The following MS4A4E variants were observed in gnomAD, a reference collection of about 807,000 sequenced individuals.
The protein encoded by MS4A4E is membrane spanning 4-domains A4E.
In MS4A4E, 23 loss-of-function variants were observed where a neutral mutation model predicts 13.3. The observed-to-expected ratio is 1.73, with a 90% CI of 1.25 to 2.45. MS4A4E has a LOEUF of 2.45. MS4A4E is among the 30% of genes most tolerant of loss of function. The probability of loss-of-function intolerance (pLI) is 0.00; values close to 1 mark genes in which losing one functional copy is unlikely to be tolerated. For missense variants in MS4A4E, 144 were observed against 131.2 expected (o/e 1.10, Z -0.48); for synonymous variants, 36 against 45.6 (o/e 0.79, Z 0.85).
At chr11:60,229,772 G>A (rs2084384753) in intron 2 of MS4A4E, 140 bp downstream of exon 2, 4 of 733,972 alleles carry the variant, frequency 5.4e-6, no homozygotes, top group Non-Finnish European at 8.5e-6. Context: ...TTCAAAGAAA[G>A]GGCCTGAAAT....
chr11:60,239,567 C>T (rs1032023584), intron 1 of MS4A4E, among the ~76,000 whole-genome samples: 3 of 152,160 alleles, frequency 2.0e-5, no homozygotes, highest in African/African-American at 4.8e-5. Flanking sequence ...GAGGTTGACT[C>T]TTCCTCTCTT....
chr11:60,240,035 T>C (rs974280125), intron 1 of MS4A4E, among the ~76,000 whole-genome samples: 2 of 152,228 alleles, frequency 1.3e-5, no homozygotes, highest in Non-Finnish European at 2.9e-5. Context: ...AATTAGAAGA[T>C]ATTCAGTCTT....
intron 3 of MS4A4E, among the ~76,000 whole-genome samples, chr11:60,223,627 C>T (rs1261227474): frequency 1.3e-5 from 2 of 152,172 alleles, no homozygotes; most frequent in East Asian, 3.8e-4. Context: ...AAGGCAGACC[C>T]ACCCTCAATC....
At chr11:60,224,095 C>T (rs1389118352) in intron 3 of MS4A4E, among the ~76,000 whole-genome samples, 1 of 152,112 alleles carries the variant, frequency 6.6e-6, no homozygotes, top group Non-Finnish European at 1.5e-5. Flanking sequence ...TTCCTTGATT[C>T]TAACATAAAC....
intron 5 of MS4A4E, 90 bp from the exon 6 acceptor site, chr11:60,208,784 G>A: frequency 2.0e-6 from 1 of 509,092 alleles, no homozygotes; most frequent in Non-Finnish European, 3.4e-6. Flanking sequence ...AAGAGAAAAA[G>A]CACTGGCTGG....
chr11:60,224,136 A>G (rs1194034707), intron 3 of MS4A4E, among the ~76,000 whole-genome samples: 2 of 152,094 alleles, frequency 1.3e-5, no homozygotes. Context: ...TTCTTTTGTC[A>G]ATAGGTAAGA....
chr11:60,216,438 T>G (rs566397284), intron 3 of MS4A4E, among the ~76,000 whole-genome samples: 139 of 152,266 alleles, frequency 9.1e-4, no homozygotes, highest in African/African-American at 3.2e-3. Flanking sequence ...TTGAGCAAGT[T>G]ACTTAACCTC....
At chr11:60,226,496 G>C (rs1187663238) in intron 3 of MS4A4E, among the ~76,000 whole-genome samples, 1 of 152,070 alleles carries the variant, frequency 6.6e-6, no homozygotes, top group Non-Finnish European at 1.5e-5. Flanking sequence ...AAAAATCAAT[G>C]AATGTAACTA....
At chr11:60,233,568 C>T (rs1479671786) in intron 1 of MS4A4E, among the ~76,000 whole-genome samples, 12 of 152,256 alleles carry the variant, frequency 7.9e-5, no homozygotes, top group Admixed American at 7.8e-4. Context: ...TCAGCTCGCA[C>T]TGCCACTATG....
At chr11:60,230,135 T>C in intron 1 of MS4A4E, 64 bp from the exon 2 acceptor site, 1 of 1,488,854 alleles carries the variant, frequency 6.7e-7, no homozygotes, top group East Asian at 2.4e-5. Context: ...CTTGACACTT[T>C]GGGGCAGATT....
intron 6 of MS4A4E, among the ~76,000 whole-genome samples, chr11:60,206,497 ATACG>A (rs1217846969): frequency 3.7e-5 from 3 of 81,278 alleles, no homozygotes; most frequent in Non-Finnish European, 5.1e-5. Context: ...ATGTATATAT[ATACG>A]TATATATATA....
At chr11:60,238,542 TTTC>T (rs2084511766) in intron 1 of MS4A4E, among the ~76,000 whole-genome samples, 1 of 152,180 alleles carries the variant, frequency 6.6e-6, no homozygotes, top group Admixed American at 6.5e-5. Context: ...ATTTTAGTGA[TTTC>T]TTCTTGTAAT....
At chr11:60,236,624 G>A (rs577367533) in intron 1 of MS4A4E, among the ~76,000 whole-genome samples, 1 of 151,560 alleles carries the variant, frequency 6.6e-6, no homozygotes, top group Non-Finnish European at 1.5e-5. Context: ...ATTTTTGTAT[G>A]TATATATATT....
At chr11:60,240,045 T>A (rs762463105) in intron 1 of MS4A4E, among the ~76,000 whole-genome samples, 3 of 152,220 alleles carry the variant, frequency 2.0e-5, no homozygotes, top group Non-Finnish European at 2.9e-5. Flanking sequence ...TATTCAGTCT[T>A]CCTCAAAATT....
chr11:60,233,109 G>A (rs146516271), intron 1 of MS4A4E, among the ~76,000 whole-genome samples: 1 of 152,176 alleles, frequency 6.6e-6, no homozygotes, highest in African/African-American at 2.4e-5. Context: ...GGTCATTTCT[G>A]CACCTGCTCC....
At chr11:60,222,437 C>G (rs1451173216) in intron 3 of MS4A4E, among the ~76,000 whole-genome samples, 1 of 152,186 alleles carries the variant, frequency 6.6e-6, no homozygotes, top group Non-Finnish European at 1.5e-5. Context: ...GTGGAATGTC[C>G]TTTTGAAGTC....
At chr11:60,233,483 G>A (rs1590727931) in intron 1 of MS4A4E, among the ~76,000 whole-genome samples, 1 of 152,208 alleles carries the variant, frequency 6.6e-6, no homozygotes, top group East Asian at 1.9e-4. Flanking sequence ...TGGGTAACCT[G>A]CATCCAGCCA....
chr11:60,239,676 G>C (rs974453207), intron 1 of MS4A4E, among the ~76,000 whole-genome samples: 3 of 152,188 alleles, frequency 2.0e-5, no homozygotes, highest in Non-Finnish European at 4.4e-5. Context: ...GGTGGGCCAA[G>C]AGGCCCTCCT....
At chr11:60,211,874 C>T (rs561680138) in intron 5 of MS4A4E, among the ~76,000 whole-genome samples, 1 of 152,136 alleles carries the variant, frequency 6.6e-6, no homozygotes, top group African/African-American at 2.4e-5. Flanking sequence ...GATTGTGCCA[C>T]CACGTGCATT....
Sources: allele counts gnomAD v4.1 joint callset (sites outside exome capture counted in the v4.1 genomes callset), GRCh38; gene constraint gnomAD v4.1.1; transcripts MANE v1.5; gene names NCBI Gene and HGNC (gene_info 2026-07-23, HGNC 2026-07-21).